The following MRPL1 variants were observed in gnomAD, a reference collection of about 807,000 sequenced individuals.
MRPL1 encodes large ribosomal subunit protein uL1m.
In MRPL1, 28 loss-of-function variants were observed where a neutral mutation model predicts 38.0. The ratio of observed to expected loss-of-function variants is 0.74; its 90% CI spans 0.55 to 1.01. The LOEUF (loss-of-function observed/expected upper bound fraction) is 1.01, where lower values mean the gene tolerates loss of function less well. MRPL1 is among the 50% of genes least tolerant of loss of function. MRPL1 has a pLI of 0.00. For synonymous variants in MRPL1, 123 were observed against 126.7 expected (o/e 0.97, Z 0.20); for missense variants, 358 against 389.8 (o/e 0.92, Z 0.69).
intron 7 of MRPL1, among the ~76,000 whole-genome samples, chr4:77,917,566 TA>T (rs199768516): frequency 1.7e-4 from 25 of 150,836 alleles, no homozygotes; most frequent in East Asian, 3.9e-4. Flanking sequence ...AATCTAAGCA[TA>T]AAAAAAAACA....
chr4:77,951,843 C>T (rs1316824781), intron 8 of MRPL1, among the ~76,000 whole-genome samples: 1 of 152,186 alleles, frequency 6.6e-6, no homozygotes, highest in East Asian at 1.9e-4. Flanking sequence ...CAATGAGATG[C>T]TGCTTATCCG....
intron 1 of MRPL1, 102 bp downstream of exon 1, chr4:77,862,981 C>G: frequency 1.4e-6 from 2 of 1,429,350 alleles, no homozygotes; most frequent in South Asian, 2.3e-5. Flanking sequence ...GAAAATGCCT[C>G]GTGCTGTTTC....
intron 4 of MRPL1, among the ~76,000 whole-genome samples, chr4:77,885,644 T>C (rs1735661528): frequency 6.6e-5 from 10 of 152,112 alleles, no homozygotes; most frequent in Admixed American, 4.6e-4. Flanking sequence ...GGATTACAGG[T>C]GTGAGCCACC....
intron 7 of MRPL1, among the ~76,000 whole-genome samples, chr4:77,927,212 T>C (rs1319491398): frequency 1.3e-5 from 2 of 152,226 alleles, no homozygotes; most frequent in African/African-American, 4.8e-5. Flanking sequence ...TTAATTTTAG[T>C]TACAGAGTGT....
At chr4:77,879,877 T>A (rs992106625) in intron 2 of MRPL1, among the ~76,000 whole-genome samples, 1 of 152,184 alleles carries the variant, frequency 6.6e-6, no homozygotes, top group African/African-American at 2.4e-5. Context: ...ATGAGCATTG[T>A]CATTATCTAA....
At chr4:77,919,400 A>G (rs990081726) in intron 7 of MRPL1, among the ~76,000 whole-genome samples, 3 of 152,164 alleles carry the variant, frequency 2.0e-5, no homozygotes, top group South Asian at 4.1e-4. Context: ...CTAATTTTCT[A>G]TAAATGTTGA....
In MRPL1 at chr4:77,876,260, A is replaced by G. The variant is rs537636184; in HGVS notation, c.143+4405A>G. Among the ~76,000 whole-genome samples, 201 of 152,328 alleles carry G rather than the reference A, an allele frequency of 1.3e-3. 1 individual carries two copies. The highest frequency in any genetic ancestry group is 4.4e-3 in the African/African-American group (182 of 41,576). On this transcript the variant is annotated intron_variant, in intron 2 of 8. Coordinates refer to ENST00000315567, the MANE Select transcript of MRPL1 (RefSeq NM_020236.4). ...AGTGCTGGGATTACAGGTGTGAGCC[A>G]CCATGCCCAGCCTCTTTACTGTATT...
intron 2 of MRPL1, among the ~76,000 whole-genome samples, chr4:77,874,436 T>C (rs1360496590): frequency 2.6e-5 from 4 of 152,198 alleles, no homozygotes; most frequent in Admixed American, 2.6e-4. Context: ...CCATTCTTTT[T>C]CTATTACAAG....
chr4:77,883,377 G>A lies in MRPL1; in HGVS notation c.279G>A (p.Pro93=), dbSNP rs941704515. 6.8e-6 allele frequency: 11 copies of A among 1,613,726 alleles called. No homozygotes were observed. Among genetic ancestry groups the A allele is most frequent in the Middle Eastern group, 1.6e-4 (1 of 6,084 alleles). Reference sequence around the variant, plus strand: ...ATGTCTATTTAAAACGCTTATACCCGAGACAGATATATGAGGTGGAGAAAG... The same window carrying A: ...ATGTCTATTTAAAACGCTTATACCCAAGACAGATATATGAGGTGGAGAAAG... ...EDDVYLKRLY[P]RQIYEVEKAV... The change falls in exon 3 of 9, where the codon CCG becomes CCA. Residue 93 remains proline, a synonymous_variant. Coordinates refer to ENST00000315567, the MANE Select transcript of MRPL1 (RefSeq NM_020236.4).
At chr4:77,888,524 T>C (rs891456319) in intron 5 of MRPL1, among the ~76,000 whole-genome samples, 2 of 151,720 alleles carry the variant, frequency 1.3e-5, no homozygotes, top group Non-Finnish European at 2.9e-5. Context: ...ATAAATAAAA[T>C]AAATAAACAA....
intron 2 of MRPL1, among the ~76,000 whole-genome samples, chr4:77,877,249 T>C (rs1190580603): frequency 1.1e-4 from 16 of 152,192 alleles, no homozygotes; most frequent in Admixed American, 5.2e-4. Context: ...ATGCGAGATA[T>C]GTTGTGTAGG....
chr4:77,929,786 G>T (rs1201082117), intron 7 of MRPL1, among the ~76,000 whole-genome samples: 1 of 150,088 alleles, frequency 6.7e-6, no homozygotes, highest in Non-Finnish European at 1.5e-5. Flanking sequence ...AAAAATAGAA[G>T]AATAATATGG....
intron 6 of MRPL1, among the ~76,000 whole-genome samples, chr4:77,899,207 A>G (rs960050114): frequency 7.3e-6 from 1 of 137,560 alleles, no homozygotes; most frequent in South Asian, 2.2e-4. Context: ...GGGTTTTGCC[A>G]TGTTGGCCAG....
intron 7 of MRPL1, among the ~76,000 whole-genome samples, chr4:77,918,787 C>T (rs1302431736): frequency 2.0e-5 from 3 of 151,990 alleles, no homozygotes; most frequent in South Asian, 2.1e-4. Flanking sequence ...ATCCCCAACT[C>T]CTAGAAGAGT....
chr4:77,938,066 C>A (rs532150131), intron 7 of MRPL1, among the ~76,000 whole-genome samples: 1 of 152,328 alleles, frequency 6.6e-6, no homozygotes, highest in African/African-American at 2.4e-5. Flanking sequence ...TCATTCATTT[C>A]CTCAGACATC....
At chr4:77,871,722 T>G (rs549603840) in intron 1 of MRPL1, 22 bp from the exon 2 acceptor site, 1 of 1,121,972 alleles carries the variant, frequency 8.9e-7, no homozygotes, top group East Asian at 2.6e-5. Flanking sequence ...ATGTTAATAT[T>G]TTACATGTTT....
intron 2 of MRPL1, among the ~76,000 whole-genome samples, chr4:77,874,782 C>CTTTTT (rs59185212): frequency 4.6e-5 from 6 of 131,100 alleles, no homozygotes; most frequent in Non-Finnish European, 4.9e-5. Context: ...ATTTTCTTTT[C>CTTTTT]TTTTTTTTTT....
At chr4:77,946,834 CCTTT>C (rs948044731) in intron 7 of MRPL1, among the ~76,000 whole-genome samples, 1 of 152,006 alleles carries the variant, frequency 6.6e-6, no homozygotes, top group African/African-American at 2.4e-5. Flanking sequence ...TCTTTTATCC[CCTTT>C]CTTTTAAATC....
At chr4:77,905,590 T>G (rs1006108201) in intron 6 of MRPL1, among the ~76,000 whole-genome samples, 1 of 149,674 alleles carries the variant, frequency 6.7e-6, no homozygotes, top group Non-Finnish European at 1.5e-5. Context: ...GAAATGCAAA[T>G]TAGACAAAGA....
Sources: gnomAD v4.1 joint callset for allele counts (sites outside exome capture counted in the v4.1 genomes callset) on GRCh38, gnomAD v4.1.1 for gene constraint, MANE v1.5 for transcripts, NCBI Gene and HGNC (gene_info 2026-07-23, HGNC 2026-07-21) for gene names.